Variants in ZNF676 observed in about 807,000 individuals in gnomAD.
ZNF676 encodes the protein zinc finger protein 676.
ZNF676 carries 4 observed loss-of-function variants against 6.0 expected under a neutral mutation model. That is an observed-to-expected ratio of 0.67 (90% CI 0.33 to 1.53). The LOEUF is 1.53. ZNF676 is among the 40% of genes most tolerant of loss of function. The pLI is 0.06. For synonymous variants in ZNF676, 198 were observed against 223.1 expected, an observed-to-expected ratio of 0.89 and a Z score of 1.00; for missense variants, 644 against 679.7, an observed-to-expected ratio of 0.95 and a Z score of 0.58.
At chr19:22,258,582 T>C in the ZNF676 span, among the ~76,000 whole-genome samples, 1 of 152,170 alleles carries the variant, frequency 6.6e-6, no homozygotes, top group African/African-American at 2.4e-5. Flanking sequence ...CAGCGATACG[T>C]CAGAATGCTC....
At chr19:22,202,193 G>T (rs747645269) in intron 1 of ZNF676, among the ~76,000 whole-genome samples, 2 of 152,088 alleles carry the variant, frequency 1.3e-5, no homozygotes, top group Non-Finnish European at 2.9e-5. Context: ...CACGTCTACA[G>T]GTCTACTCAA....
chr19:22,234,981 AAAG>A, the ZNF676 span, among the ~76,000 whole-genome samples: 7 of 91,220 alleles, frequency 7.7e-5, no homozygotes, highest in Admixed American at 9.1e-4. Flanking sequence ...AGAAAGAAAG[AAAG>A]AAAGAAAGAA....
chr19:22,182,625 A>T (rs1217493994), intron 2 of ZNF676, among the ~76,000 whole-genome samples: 1 of 148,244 alleles, frequency 6.7e-6, no homozygotes, highest in East Asian at 2.0e-4. Flanking sequence ...AAGAAGCTAT[A>T]AAGTGAGAAT....
chr19:22,250,802 C>T, the ZNF676 span, among the ~76,000 whole-genome samples: 1 of 152,100 alleles, frequency 6.6e-6, no homozygotes, highest in Non-Finnish European at 1.5e-5. Flanking sequence ...ACCTCTGCTT[C>T]CCAGGTTCAA....
At chr19:22,241,367 A>T in the ZNF676 span, among the ~76,000 whole-genome samples, 1 of 151,930 alleles carries the variant, frequency 6.6e-6, no homozygotes, top group Non-Finnish European at 1.5e-5. Flanking sequence ...ATCCCTCCTG[A>T]AGACTGTGTC....
rs2023971189 is a variant in ZNF676 at position 22,196,708 on chromosome 19, C to T, written c.-75G>A. The stretch of plus-strand genomic sequence containing the variant: ...TCCAGAGAGAATTCTATGGCCACAT[C>T]CCTAAATGTCAATGCTCCCTGGAAA... On this transcript the variant is annotated 5_prime_UTR_variant, in exon 1 of 3. Coordinates refer to ENST00000397121, the MANE Select transcript of ZNF676 (RefSeq NM_001001411.3). The T allele has an allele frequency of 6.2e-7, 1 of 1,609,454 alleles. No individual in the cohort carries two copies. Among genetic ancestry groups the T allele is most frequent in the African/African-American group, 1.3e-5 (1 of 74,798 alleles).
At position 22,181,359 on chromosome 19, in the gene ZNF676, T is replaced by C. The variant is rs543253815; in HGVS notation, c.358A>G (p.Asn120Asp). The change falls in exon 3 of 3, where the codon AAC becomes GAC. Residue 120 changes from asparagine (N) to aspartate (D), a missense_variant. By Grantham distance (23) the Asn-to-Asp change is conservative (BLOSUM62 1). Coordinates refer to ENST00000397121, the MANE Select transcript of ZNF676 (RefSeq NM_001001411.3). ...SKVFQCGKYANVFHKCSNSNR... is the reference protein window; with the variant it reads ...SKVFQCGKYADVFHKCSNSNR... ...GAATTTGAACATTTATGAAAGACGTTTGCATATTTGCCACATTGAAATACT... is the reference window on the plus strand; with the variant it reads ...GAATTTGAACATTTATGAAAGACGTCTGCATATTTGCCACATTGAAATACT... The C allele has an allele frequency of 5.0e-6, 8 of 1,613,734 alleles. No individual in the cohort carries two copies. Among genetic ancestry groups the C allele is most frequent in the Admixed American group, 3.3e-5 (2 of 59,996 alleles).
At position 22,184,868 on chromosome 19, in the gene ZNF676, C is replaced by T. The variant is rs574089295; in HGVS notation, c.131-3282G>A. 3.5e-5 allele frequency among the ~76,000 whole-genome samples: 5 copies of T among 141,648 alleles called. No individual in the cohort carries two copies. In the East Asian group the frequency reaches 6.4e-4, roughly 18 times the overall value. The allele number at this position is 141,648 out of a possible 152,430, so 92.9% of individuals were successfully genotyped here. On this transcript the variant is annotated intron_variant, in intron 2 of 2. Coordinates refer to ENST00000397121, the MANE Select transcript of ZNF676 (RefSeq NM_001001411.3). ...AAAAAAAAAAGGCAGCAGCCACAGT[C>T]GGGGGCATATAGTAAAAACACCCAT...
At chr19:22,232,095 A>G in the ZNF676 span, among the ~76,000 whole-genome samples, 1 of 152,186 alleles carries the variant, frequency 6.6e-6, no homozygotes, top group Non-Finnish European at 1.5e-5. Flanking sequence ...CTTGCAAAAT[A>G]TATAAATCAA....
At chr19:22,237,895 C>T in the ZNF676 span, among the ~76,000 whole-genome samples, 3 of 152,188 alleles carry the variant, frequency 2.0e-5, no homozygotes, top group African/African-American at 7.2e-5. Flanking sequence ...GCTGTGCATA[C>T]ATCTTTCATT....
upstream of ZNF676, among the ~76,000 whole-genome samples, chr19:22,217,784 A>C (rs1352838952): frequency 2.6e-5 from 4 of 151,662 alleles, no homozygotes; most frequent in South Asian, 2.1e-4. Context: ...GCTTACTGCA[A>C]CCTCCACCTC....
chr19:22,183,978 A>G (rs190591118), intron 2 of ZNF676, among the ~76,000 whole-genome samples: 3 of 152,344 alleles, frequency 2.0e-5, no homozygotes, highest in Admixed American at 2.0e-4. Context: ...TTGATAGAAT[A>G]GAAGAAACAC....
At chr19:22,210,954 C>A (rs748407049) in intron 1 of ZNF676, among the ~76,000 whole-genome samples, 1 of 152,014 alleles carries the variant, frequency 6.6e-6, no homozygotes, top group Non-Finnish European at 1.5e-5. Flanking sequence ...TTATTTCACC[C>A]TTCATTTAAA....
At position 22,185,490 on chromosome 19, in the gene ZNF676, A is replaced by G. The variant is rs1439135562; in HGVS notation, c.131-3904T>C. Among the ~76,000 whole-genome samples the G allele has an allele frequency of 2.0e-4, 4 of 19,952 alleles. No homozygotes were observed. The Admixed American group carries it at 2.1e-3, about 11-fold the overall frequency. The allele number at this position is 19,952 out of a possible 152,430, so 13.1% of individuals were successfully genotyped here. On this transcript the variant is annotated intron_variant, in intron 2 of 2. Coordinates refer to ENST00000397121, the MANE Select transcript of ZNF676 (RefSeq NM_001001411.3). ...CAAAGGATCACAACTCATCACCAGCAAAAAAAAAAAAACAAAACTGAATGG... is the reference window on the plus strand; with the variant it reads ...CAAAGGATCACAACTCATCACCAGCGAAAAAAAAAAAACAAAACTGAATGG...
upstream of ZNF676, among the ~76,000 whole-genome samples, chr19:22,220,521 G>A (rs768671661): frequency 3.7e-4 from 55 of 150,548 alleles, 1 homozygote; most frequent in African/African-American, 6.6e-4. Flanking sequence ...GCAGTGGTGC[G>A]ATGTTGACTC....
At chr19:22,198,794 G>C (rs1402040480), upstream of ZNF676, among the ~76,000 whole-genome samples, 2 of 152,010 alleles carry the variant, frequency 1.3e-5, no homozygotes, top group African/African-American at 2.4e-5. Flanking sequence ...GCCATCCCCT[G>C]ACACAGGCAC....
At chr19:22,237,707 G>A in the ZNF676 span, among the ~76,000 whole-genome samples, 1 of 152,134 alleles carries the variant, frequency 6.6e-6, no homozygotes, top group African/African-American at 2.4e-5. Context: ...CATCAGAAAG[G>A]GGATGTTGCC....
chr19:22,221,094 AT>A, the ZNF676 span, among the ~76,000 whole-genome samples: 1 of 149,310 alleles, frequency 6.7e-6, no homozygotes, highest in Admixed American at 6.7e-5. Flanking sequence ...CTTTGTTATT[AT>A]TTTTTTTTCC....
the ZNF676 span, among the ~76,000 whole-genome samples, chr19:22,250,538 C>G: frequency 6.6e-6 from 1 of 152,084 alleles, no homozygotes; most frequent in Non-Finnish European, 1.5e-5. Context: ...CATGCCTCAG[C>G]CTCCTGAGTA....
Sources: allele counts gnomAD v4.1 joint callset (sites outside exome capture counted in the v4.1 genomes callset), GRCh38; gene constraint gnomAD v4.1.1; transcripts MANE v1.5; gene names NCBI Gene and HGNC (gene_info 2026-07-23, HGNC 2026-07-21).